Variants in NTS observed in about 807,000 individuals in gnomAD.
The protein encoded by NTS is neurotensin.
A neutral mutation model predicts 19.5 loss-of-function variants in NTS; 20 were observed. The observed-to-expected ratio is 1.02, with a 90% CI of 0.72 to 1.49. The LOEUF is 1.49. Ranked by LOEUF, NTS falls within the 40% of genes most tolerant of loss-of-function variation. The probability of loss-of-function intolerance (pLI) is 0.00; values close to 1 mark genes in which losing one functional copy is unlikely to be tolerated. For missense variants in NTS, 215 were observed against 193.1 expected, an observed-to-expected ratio of 1.11 and a Z score of -0.67; for synonymous variants, 71 against 63.3, an observed-to-expected ratio of 1.12 and a Z score of -0.58.
chr12:85,876,562 G>T (rs1367889290), intron 1 of NTS, 78 bp from the exon 2 acceptor site: 1 of 838,332 alleles, frequency 1.2e-6, no homozygotes, highest in Non-Finnish European at 1.8e-6. Context: ...TTTTTTTTTA[G>T]ATTAACCTAA....
chr12:85,877,529 A>G (rs1881374818), intron 2 of NTS, among the ~76,000 whole-genome samples: 1 of 151,580 alleles, frequency 6.6e-6, no homozygotes, highest in African/African-American at 2.4e-5. Flanking sequence ...TCTGGGGTAC[A>G]TGGGCAGGAT....
intron 2 of NTS, among the ~76,000 whole-genome samples, chr12:85,877,194 G>C (rs1040248996): frequency 6.6e-6 from 1 of 152,092 alleles, no homozygotes; most frequent in African/African-American, 2.4e-5. Flanking sequence ...TCCTGAAACA[G>C]TGACTTATTA....
In NTS at chr12:85,878,373, A is replaced by C; in HGVS notation, c.164A>C (p.Lys55Thr). The C allele has an allele frequency of 1.2e-6, 2 of 1,609,504 alleles. No homozygotes were observed. The highest frequency in any genetic ancestry group is 1.7e-6 in the Non-Finnish European group (2 of 1,177,170). ...KISKAHVPSWKMTLLNVCSLV... is the reference protein window; with the variant it reads ...KISKAHVPSWTMTLLNVCSLV... ...AGTAAAGCACATGTTCCCTCTTGGA[A>C]GATGACTCTGCTAAATGTTTGCAGT... Residue 55 changes from lysine (K) to threonine (T), a missense_variant, in exon 3 of 4, where the codon AAG becomes ACG. Physicochemically the swap from Lys to Thr is moderately conservative, Grantham distance 78 (BLOSUM62 -1). Coordinates refer to ENST00000256010, the MANE Select transcript of NTS (RefSeq NM_006183.5).
At chr12:85,878,084 C>A (rs374580914) in intron 2 of NTS, 3 of 261,516 alleles carry the variant, frequency 1.1e-5, no homozygotes, top group East Asian at 6.7e-5. Context: ...TTTTAATTTC[C>A]TTGCTTTCTT....
intron 3 of NTS, 106 bp from the exon 4 acceptor site, chr12:85,882,117 A>G (rs149375151): frequency 1.5e-5 from 13 of 862,934 alleles, no homozygotes; most frequent in Admixed American, 5.6e-5. Flanking sequence ...TCTCACCTAC[A>G]TATGTCTTGC....
In NTS at chr12:85,878,396, A is replaced by C; in HGVS notation, c.187A>C (p.Ser63Arg). The change falls in exon 3 of 4, where the codon AGT becomes CGT. Residue 63 changes from serine to arginine, a missense_variant. By Grantham distance (110) the Ser-to-Arg change is moderately radical. Coordinates refer to ENST00000256010, the MANE Select transcript of NTS (RefSeq NM_006183.5). ...SWKMTLLNVC[S>R]LVNNLNSPAE... ...GAAGATGACTCTGCTAAATGTTTGC[A>C]GTCTTGTAAATAATTTGAACAGCCC... 1.2e-6 allele frequency: 2 copies of C among 1,613,130 alleles called. No individual in the cohort carries two copies. Among genetic ancestry groups the C allele is most frequent in the South Asian group, 2.2e-5 (2 of 90,908 alleles).
At chr12:85,880,997 CATATTTTG>C (rs1881489528) in intron 3 of NTS, among the ~76,000 whole-genome samples, 1 of 152,054 alleles carries the variant, frequency 6.6e-6, no homozygotes, top group Non-Finnish European at 1.5e-5. Flanking sequence ...TTGAAAAATA[CATATTTTG>C]ATATAGGAAG....
chr12:85,880,939 G>A (rs1033358580), intron 3 of NTS, among the ~76,000 whole-genome samples: 8 of 152,066 alleles, frequency 5.3e-5, no homozygotes, highest in East Asian at 1.9e-4. Flanking sequence ...GCGACAGAGC[G>A]AGACTCCATC....
chr12:85,876,281 T>C (rs921238766), intron 1 of NTS, among the ~76,000 whole-genome samples: 1 of 151,960 alleles, frequency 6.6e-6, no homozygotes, highest in Non-Finnish European at 1.5e-5. Flanking sequence ...ATATTTTCTA[T>C]ATATGTAAAC....
chr12:85,878,482 T>C lies in NTS; in HGVS notation c.273T>C (p.Thr91=), dbSNP rs1394563714. The change falls in exon 3 of 4, where the codon ACT becomes ACC. Residue 91 remains threonine, a synonymous_variant. Transcript: ENST00000256010. ...EELVARRKLP[T]ALDGFSLEAM... ...TTGTTGCAAGAAGGAAACTTCCTAC[T>C]GCTTTAGATGGCTTTAGCTTGGAAG... 1 of 1,613,984 alleles carries C rather than the reference T, an allele frequency of 6.2e-7. No homozygotes were observed. Among genetic ancestry groups the C allele is most frequent in the Admixed American group, 1.7e-5 (1 of 60,008 alleles).
Position 85,874,346 on chromosome 12 carries a change from G to A in NTS, c.-58G>A, listed in dbSNP as rs1881281343. 2.5e-6 allele frequency: 3 copies of A among 1,215,010 alleles called. No homozygotes were observed. Among genetic ancestry groups the A allele is most frequent in the Non-Finnish European group, 3.7e-6 (3 of 816,244 alleles). 75.3% of individuals were successfully genotyped at this position (1,215,010 alleles called of 1,614,324 possible). A position where few individuals can be genotyped will look rare whatever the true frequency, so the allele number is the denominator to read the frequency against. ...TGAAGGAAAGAGGAAGTGCTAGAGA[G>A]AGCCCCCTTCAGTGTGCTTCTGACT... On this transcript the variant is annotated 5_prime_UTR_variant, in exon 1 of 4. Coordinates refer to ENST00000256010, the MANE Select transcript of NTS (RefSeq NM_006183.5).
intron 3 of NTS, among the ~76,000 whole-genome samples, chr12:85,880,443 A>G (rs1248544071): frequency 6.6e-6 from 1 of 152,168 alleles, no homozygotes; most frequent in African/African-American, 2.4e-5. Context: ...TTACACTAAC[A>G]TTGGGGATCT....
intron 2 of NTS, among the ~76,000 whole-genome samples, chr12:85,877,321 T>C (rs1881369325): frequency 2.6e-5 from 4 of 152,142 alleles, no homozygotes; most frequent in Admixed American, 2.6e-4. Flanking sequence ...ACAATGTATT[T>C]AGGAATTACT....
intron 2 of NTS, 178 bp from the exon 3 acceptor site, chr12:85,878,167 T>G (rs1881389249): frequency 2.0e-6 from 1 of 498,932 alleles, no homozygotes; most frequent in South Asian, 3.7e-5. Context: ...TAAACAGAAG[T>G]TATGAGATAT....
chr12:85,874,710 C>G (rs1235907168), intron 1 of NTS, among the ~76,000 whole-genome samples: 2 of 152,078 alleles, frequency 1.3e-5, no homozygotes, highest in African/African-American at 2.4e-5. Context: ...AAACACTGCA[C>G]GACCTCCTTT....
rs1881283934 is a variant in NTS at position 85,874,424 on chromosome 12, C to T, written c.21C>T (p.Ile7=). 6.2e-7 allele frequency: 1 copy of T among 1,613,472 alleles called. No homozygotes were observed. The highest frequency in any genetic ancestry group is 8.5e-7 in the Non-Finnish European group (1 of 1,179,486). MMAGMK[I]QLVCMLLLAF... is the part of the protein sequence containing the mutation. ...GAAAGATGATGGCAGGAATGAAAAT[C>T]CAGCTTGTATGCATGCTACTCCTGG... The change falls in exon 1 of 4, where the codon ATC becomes ATT. Residue 7 remains isoleucine (I), a synonymous_variant. Transcript: ENST00000256010.
At chr12:85,878,628 A>G (rs1269428137) in intron 3 of NTS, 59 bp downstream of exon 3, 5 of 957,666 alleles carry the variant, frequency 5.2e-6, no homozygotes, top group Non-Finnish European at 7.4e-6. Flanking sequence ...TCTCATTTAT[A>G]TTAATTTCTT....
At chr12:85,880,355 T>A (rs1257262214) in intron 3 of NTS, among the ~76,000 whole-genome samples, 1 of 152,116 alleles carries the variant, frequency 6.6e-6, no homozygotes, top group Non-Finnish European at 1.5e-5. Flanking sequence ...AACAAATTTT[T>A]AAAAATTTTC....
Position 85,874,463 on chromosome 12 carries a change from G to A in NTS, c.60G>A (p.Trp20Ter). The change falls in exon 1 of 4, where the codon TGG becomes TGA. Residue 20 changes from tryptophan (W) to a stop codon, truncating the protein, a stop_gained. Coordinates refer to ENST00000256010, the MANE Select transcript of NTS (RefSeq NM_006183.5). LOFTEE classifies it high-confidence loss of function. ...TGCTACTCCTGGCTTTCAGCTCCTGGAGTCTGTGCTCAGGTAAGCAAAACA... is the reference window on the plus strand; with the variant it reads ...TGCTACTCCTGGCTTTCAGCTCCTGAAGTCTGTGCTCAGGTAAGCAAAACA... ...VCMLLLAFSS[W>*]SLCSDSEEEM... 1 of 1,612,248 alleles carries A rather than the reference G, an allele frequency of 6.2e-7. No homozygotes were observed. The highest frequency in any genetic ancestry group is 1.1e-5 in the South Asian group (1 of 91,028).
Sources: gnomAD v4.1 joint callset for allele counts (sites outside exome capture counted in the v4.1 genomes callset) on GRCh38, gnomAD v4.1.1 for gene constraint, MANE v1.5 for transcripts, NCBI Gene and HGNC (gene_info 2026-07-23, HGNC 2026-07-21) for gene names.